COPS7A: variants seen among roughly 807,000 people sequenced by gnomAD.
COPS7A encodes the protein COP9 signalosome complex subunit 7a.
Under a neutral mutation model 35.2 loss-of-function variants are expected in COPS7A, and 20 were observed. The ratio of observed to expected loss-of-function variants is 0.57; its 90% confidence interval spans 0.40 to 0.83. The LOEUF (loss-of-function observed/expected upper bound fraction) is 0.83. Among genes scored for constraint, COPS7A ranks in the 40% least tolerant of loss-of-function variants. The pLI is 0.00. For synonymous variants in COPS7A, 139 were observed against 141.4 expected, an observed-to-expected ratio of 0.98 and a Z score of 0.12; for missense variants, 247 against 347.5, an observed-to-expected ratio of 0.71 and a Z score of 2.30.
chr12:6,726,545 G>A (rs912078168), intron 2 of COPS7A, among the ~76,000 whole-genome samples: 1 of 151,738 alleles, frequency 6.6e-6, no homozygotes, highest in Non-Finnish European at 1.5e-5. Context: ...GGAGGTTGCA[G>A]TGAGCCGAGA....
chr12:6,724,565 T>A lies in COPS7A; in HGVS notation c.-43-49T>A, dbSNP rs776334973. On this transcript the variant is annotated intron_variant, in intron 1 of 7. Coordinates refer to ENST00000543155, the MANE Select transcript of COPS7A (RefSeq NM_001164094.2). The stretch of plus-strand genomic sequence containing the variant: ...CAGTCCCTCAGCCTTGTGCTTCCCA[T>A]CCGACCAGCCATCGGGGACCTCTAG... The A allele has an allele frequency of 7.3e-6, 11 of 1,512,640 alleles. No individual in the cohort carries two copies. In the South Asian group the frequency reaches 7.9e-5, roughly 11 times the overall value. 93.7% of individuals were successfully genotyped at this position (1,512,640 alleles called of 1,614,324 possible).
rs367771749 is a variant in COPS7A, at chr12:6,727,922, G to A, written c.163-4G>A. 21 of 1,613,908 alleles carry A rather than the reference G, an allele frequency of 1.3e-5. No homozygotes were observed. Among genetic ancestry groups the A allele is most frequent in the East Asian group, 2.2e-5 (1 of 44,898 alleles). ...CGTCACCTCCTTTTTCCTCATTCTC[G>A]CAGCTGGCTGAGAGTGACTTTGCCT... On this transcript the variant is annotated splice_region_variant and splice_polypyrimidine_tract_variant and intron_variant, in intron 2 of 7. Coordinates refer to ENST00000543155, the MANE Select transcript of COPS7A (RefSeq NM_001164094.2).
rs757926433 is a variant in COPS7A, at chr12:6,726,626, TA to T, written c.163-1296del. 2.4e-4 allele frequency among the ~76,000 whole-genome samples: 31 copies of T among 128,904 alleles called. No homozygotes were observed. The South Asian group carries it at 5.8e-3, about 24-fold the overall frequency. The allele number at this position is 128,904 out of a possible 152,430, so 84.6% of individuals were successfully genotyped here. On this transcript the variant is annotated intron_variant, in intron 2 of 7. Transcript: ENST00000543155. Reference sequence around the variant, plus strand: ...TCAAAAAAAAAAATAAATAAATAAATAAAACAAACAAAAGCTCATGTATCCC... The same window carrying T: ...TCAAAAAAAAAAATAAATAAATAAATAAACAAACAAAAGCTCATGTATCCC...
chr12:6,729,233 C>G lies in COPS7A; in HGVS notation c.328-14C>G, dbSNP rs752226374. Reference sequence around the variant, plus strand: ...GGAGCGTCACAAATCCTGGCCTGATCTCCGCGGCCCCAGTGTATCCCATAT... The same window carrying G: ...GGAGCGTCACAAATCCTGGCCTGATGTCCGCGGCCCCAGTGTATCCCATAT... On this transcript the variant is annotated splice_polypyrimidine_tract_variant and intron_variant, in intron 4 of 7. Coordinates refer to ENST00000543155, the MANE Select transcript of COPS7A (RefSeq NM_001164094.2). This position sits in a 1 kb window ranked among gnomAD's most constrained non-coding sequence, Gnocchi z 4.2. 6.2e-7 allele frequency: 1 copy of G among 1,613,990 alleles called. No homozygotes were observed. The highest frequency in any genetic ancestry group is 8.5e-7 in the Non-Finnish European group (1 of 1,179,918).
At chr12:6,724,301 G>A (rs1472586635) in intron 1 of COPS7A, 122 bp downstream of exon 1, 3 of 410,962 alleles carry the variant, frequency 7.3e-6, no homozygotes, top group Admixed American at 3.2e-5. Context: ...GTGCGGGGCA[G>A]CAATGGAGAG....
chr12:6,731,378 A>T lies in COPS7A; in HGVS notation c.*339A>T. On this transcript the variant is annotated 3_prime_UTR_variant, in exon 8 of 8. Transcript: ENST00000543155. ...CCCTGATGGGGGTCGCTCTGTCTGGAGCATAACCCACAGGCGTTTTTTCTG... is the reference window on the plus strand; with the variant it reads ...CCCTGATGGGGGTCGCTCTGTCTGGTGCATAACCCACAGGCGTTTTTTCTG... The T allele has an allele frequency of 3.0e-6, 4 of 1,317,480 alleles. No individual in the cohort carries two copies. The highest frequency in any genetic ancestry group is 3.9e-6 in the Non-Finnish European group (4 of 1,023,634). 81.6% of individuals were successfully genotyped at this position (1,317,480 alleles called of 1,614,324 possible).
At chr12:6,728,193 G>T (rs1592470280) in intron 3 of COPS7A, 30 bp from the exon 4 acceptor site, 1 of 1,604,194 alleles carries the variant, frequency 6.2e-7, no homozygotes, top group Admixed American at 1.7e-5. Flanking sequence ...CTGAAATCAG[G>T]ATTCCTTACA....
intron 5 of COPS7A, among the ~76,000 whole-genome samples, chr12:6,730,066 A>G (rs1592472680): frequency 6.6e-6 from 1 of 152,078 alleles, no homozygotes; most frequent in East Asian, 1.9e-4. Context: ...CTCAGTTTGG[A>G]GTGCAGTGGC....
rs1158243123 is a variant in COPS7A, at chr12:6,724,812, T to C, written c.156T>C (p.Val52=). The C allele has an allele frequency of 3.7e-6, 6 of 1,613,984 alleles. No individual in the cohort carries two copies. The highest frequency in any genetic ancestry group is 5.1e-6 in the Non-Finnish European group (6 of 1,180,010). ...VFGELLDMPN[V]RELAESDFAS... is the part of the protein sequence containing the mutation. The stretch of plus-strand genomic sequence containing the variant: ...GAGAACTGCTGGACATGCCCAATGT[T>C]AGAGAGGTGGGTTGCTGGCTTGAAT... The change falls in exon 2 of 8, where the codon GTT becomes GTC. Residue 52 remains valine, a synonymous_variant. Transcript: ENST00000543155.
Position 6,728,299 on chromosome 12 carries a change from T to C in COPS7A, c.315T>C (p.Ala105=). The part of the protein sequence containing the change: ...KLRHLSVVTL[A]AKVKCIPYAV... ...GACACCTCTCAGTTGTCACCCTGGC[T>C]GCTAAAGTAAAGGTGAGTGGCAGTC... The change falls in exon 4 of 8, where the codon GCT becomes GCC. Residue 105 remains alanine (A), a synonymous_variant. Coordinates refer to ENST00000543155, the MANE Select transcript of COPS7A (RefSeq NM_001164094.2). 1 of 1,614,072 alleles carries C rather than the reference T, an allele frequency of 6.2e-7. No individual in the cohort carries two copies. Among genetic ancestry groups the C allele is most frequent in the Non-Finnish European group, 8.5e-7 (1 of 1,179,918 alleles).
At chr12:6,724,417 C>T (rs1372538271) in intron 1 of COPS7A, 197 bp from the exon 2 acceptor site, 9 of 568,986 alleles carry the variant, frequency 1.6e-5, no homozygotes, top group Admixed American at 1.1e-4. Context: ...GGGGTTAGGC[C>T]CAGGGGAGGG....
At chr12:6,730,336 C>T in intron 5 of COPS7A, 66 bp from the exon 6 acceptor site, 1 of 1,506,632 alleles carries the variant, frequency 6.6e-7, no homozygotes, top group South Asian at 1.1e-5. Context: ...CTTTTTGAGT[C>T]AGTTTTCTGT....
rs1347384881 is a variant in COPS7A at position 6,729,253 on chromosome 12, C to T, written c.334C>T (p.Pro112Ser). Residue 112 changes from proline (P) to serine (S), a missense_variant, in exon 5 of 8, where the codon CCA (proline) becomes TCA (serine). Transcript: ENST00000543155. The surrounding 1 kb of genome is among the most constrained non-coding windows in gnomAD (Gnocchi z 4.2). ...VTLAAKVKCI[P>S]YAVLLEALAL... ...CTGATCTCCGCGGCCCCAGTGTATC[C>T]CATATGCAGTGTTGCTGGAGGCTCT... The T allele has an allele frequency of 6.2e-7, 1 of 1,614,044 alleles. No individual in the cohort carries two copies. The highest frequency in any genetic ancestry group is 8.5e-7 in the Non-Finnish European group (1 of 1,180,014).
chr12:6,727,661 C>T, intron 2 of COPS7A: 5 of 604,976 alleles, frequency 8.3e-6, no homozygotes, highest in South Asian at 7.6e-5. Flanking sequence ...GTCTTCAACT[C>T]TGAATTTAGG....
Position 6,730,736 on chromosome 12 carries a change from C to T in COPS7A, c.704C>T (p.Pro235Leu). 6.2e-7 allele frequency: 1 copy of T among 1,614,204 alleles called. No individual in the cohort carries two copies. The change falls in exon 7 of 8, where the codon CCT becomes CTT. Residue 235 changes from proline to leucine, a missense_variant. Physicochemically the swap from Pro to Leu is moderately conservative, Grantham distance 98. Coordinates refer to ENST00000543155, the MANE Select transcript of COPS7A (RefSeq NM_001164094.2). ...AAAAAATSQD[P>L]EQHLTELREP... ...GCAGCCGCAGCCACATCTCAGGACC[C>T]TGAGCAACACCTGACTGAGCTGAGG...
rs914796608 is a variant in COPS7A at position 6,728,154 on chromosome 12, A to G, written c.239-69A>G. The stretch of plus-strand genomic sequence containing the variant: ...GAATTGGCATTGAAAGTGGGAGGGA[A>G]GGGAAGGAGGCTAGGGCTTCCCAGA... On this transcript the variant is annotated intron_variant, in intron 3 of 7. Transcript: ENST00000543155. The G allele has an allele frequency of 4.4e-5, 67 of 1,512,474 alleles. No homozygotes were observed. In the African/African-American group the frequency reaches 8.7e-4, roughly 20 times the overall value. 93.7% of individuals were successfully genotyped at this position (1,512,474 alleles called of 1,614,324 possible). A position where few individuals can be genotyped will look rare whatever the true frequency, so the allele number is the denominator to read the frequency against.
chr12:6,731,254 A>C lies in COPS7A; in HGVS notation c.*215A>C. On this transcript the variant is annotated 3_prime_UTR_variant, in exon 8 of 8. Coordinates refer to ENST00000543155, the MANE Select transcript of COPS7A (RefSeq NM_001164094.2). Reference sequence around the variant, plus strand: ...GGTACTTTCTGTTTTTTGTGACTTCATGTGTTCCATTGCTCCCCGCTGCCA... The same window carrying C: ...GGTACTTTCTGTTTTTTGTGACTTCCTGTGTTCCATTGCTCCCCGCTGCCA... 4 of 1,453,820 alleles carry C rather than the reference A, an allele frequency of 2.8e-6. No individual in the cohort carries two copies. In the South Asian group the frequency reaches 5.7e-5, roughly 21 times the overall value. The allele number at this position is 1,453,820 out of a possible 1,614,324, so 90.1% of individuals were successfully genotyped here.
intron 2 of COPS7A, chr12:6,725,558 C>T: frequency 2.2e-6 from 1 of 450,806 alleles, no homozygotes; most frequent in Non-Finnish European, 4.5e-6. Context: ...GGAGAGTGAA[C>T]ATGTTAAATT....
intron 2 of COPS7A, 23 bp from the exon 3 acceptor site, chr12:6,727,903 C>G: frequency 5.0e-6 from 8 of 1,613,088 alleles, no homozygotes; most frequent in Non-Finnish European, 5.9e-6. Flanking sequence ...TTCCCGTCAC[C>G]TCCTTTTTCC....
Sources: allele counts gnomAD v4.1 joint callset (sites outside exome capture counted in the v4.1 genomes callset), GRCh38; gene constraint gnomAD v4.1.1; non-coding constraint Gnocchi (gnomAD v3.1); transcripts MANE v1.5; gene names NCBI Gene and HGNC (gene_info 2026-07-23, HGNC 2026-07-21).